SLC9C1: variants seen among roughly 807,000 people sequenced by gnomAD.
The protein encoded by SLC9C1 is sodium/hydrogen exchanger 10.
SLC9C1 carries 97 observed loss-of-function variants against 140.9 expected under a neutral mutation model. The ratio of observed to expected loss-of-function variants is 0.69; its 90% CI spans 0.58 to 0.82. The LOEUF is 0.82. SLC9C1 is among the 40% of genes least tolerant of loss of function. The probability of loss-of-function intolerance (pLI) is 0.00; values close to 1 mark genes in which losing one functional copy is unlikely to be tolerated. For synonymous variants in SLC9C1, 440 were observed against 442.6 expected, an observed-to-expected ratio of 0.99 and a Z score of 0.07; for missense variants, 1,340 against 1,389.3, an observed-to-expected ratio of 0.96 and a Z score of 0.56.
chr3:112,151,982 T>C lies in SLC9C1; in HGVS notation c.3418-19A>G. 1 of 1,559,856 alleles carries C rather than the reference T, an allele frequency of 6.4e-7. No individual in the cohort carries two copies. Among genetic ancestry groups the C allele is most frequent in the Non-Finnish European group, 8.6e-7 (1 of 1,160,622 alleles). Reference sequence around the variant, plus strand: ...CTCCATCCTGGGATTCAAAACACTTTGTTACTTGATGTCATGATAGGCCTT... The same window carrying C: ...CTCCATCCTGGGATTCAAAACACTTCGTTACTTGATGTCATGATAGGCCTT... On this transcript the variant is annotated intron_variant, in intron 27 of 28. Transcript: ENST00000305815.
rs568339522 is a variant in SLC9C1, at chr3:112,226,673, G to C, written c.1572+4688C>G. The stretch of plus-strand genomic sequence containing the variant: ...GGAGGTAGAGTTTGCAGTGAGCCAA[G>C]ATTGCACCACTGCAATCCAGCCTGG... On this transcript the variant is annotated intron_variant, in intron 13 of 28. Transcript: ENST00000305815. 3.3e-5 allele frequency among the ~76,000 whole-genome samples: 5 copies of C among 152,132 alleles called. No individual in the cohort carries two copies. The South Asian group carries it at 1.0e-3, about 32-fold the overall frequency.
chr3:112,165,389 A>G (rs549247828), intron 26 of SLC9C1, among the ~76,000 whole-genome samples: 73 of 151,912 alleles, frequency 4.8e-4, no homozygotes, highest in African/African-American at 1.6e-3. Flanking sequence ...TTTTTTCCCC[A>G]TCTTTGTGGT....
At chr3:112,224,963 A>G (rs79269355) in intron 13 of SLC9C1, among the ~76,000 whole-genome samples, 280 of 152,164 alleles carry the variant, frequency 1.8e-3, no homozygotes, top group Non-Finnish European at 3.1e-3. Flanking sequence ...GGCATAGAAA[A>G]CATATTTAAT....
chr3:112,222,469 A>C (rs1373295324), intron 13 of SLC9C1, among the ~76,000 whole-genome samples: 1 of 152,192 alleles, frequency 6.6e-6, no homozygotes. Context: ...TCAATGATCA[A>C]AATATAATAG....
intron 16 of SLC9C1, among the ~76,000 whole-genome samples, chr3:112,207,613 G>T (rs999264350): frequency 6.6e-6 from 1 of 152,112 alleles, no homozygotes; most frequent in African/African-American, 2.4e-5. Context: ...TCCTTAATGT[G>T]TCATGGTGTT....
chr3:112,273,101 G>A (rs1267267047), intron 6 of SLC9C1, among the ~76,000 whole-genome samples: 2 of 152,064 alleles, frequency 1.3e-5, no homozygotes, highest in Non-Finnish European at 2.9e-5. Flanking sequence ...CTCCTGAATG[G>A]CATGCACAAT....
At chr3:112,210,066 T>C (rs2078160157) in intron 15 of SLC9C1, among the ~76,000 whole-genome samples, 1 of 152,252 alleles carries the variant, frequency 6.6e-6, no homozygotes, top group Non-Finnish European at 1.5e-5. Context: ...TTATACTTCC[T>C]GATATCAAAA....
intron 22 of SLC9C1, among the ~76,000 whole-genome samples, chr3:112,180,093 GA>G (rs1428092423): frequency 6.6e-6 from 1 of 152,158 alleles, no homozygotes; most frequent in Non-Finnish European, 1.5e-5. Flanking sequence ...CATTGTGTCT[GA>G]ACATGAAAAT....
chr3:112,159,606 C>A (rs1008268849), intron 26 of SLC9C1, among the ~76,000 whole-genome samples: 1 of 151,930 alleles, frequency 6.6e-6, no homozygotes, highest in Non-Finnish European at 1.5e-5. Context: ...TTAACTCCAA[C>A]GTTTGTTTAT....
intron 21 of SLC9C1, 104 bp downstream of exon 21, chr3:112,182,029 C>T (rs1487673956): frequency 7.4e-6 from 7 of 948,414 alleles, no homozygotes; most frequent in Non-Finnish European, 1.0e-5. Flanking sequence ...AAATAAGGAA[C>T]ATTTAGAGAA....
intron 20 of SLC9C1, chr3:112,185,606 C>G: frequency 3.1e-6 from 5 of 1,597,186 alleles, no homozygotes; most frequent in Non-Finnish European, 4.3e-6. Context: ...GCCCGAAGCC[C>G]TCTCTCCCAA....
chr3:112,167,927 G>A (rs191717889), intron 25 of SLC9C1, among the ~76,000 whole-genome samples: 6 of 152,208 alleles, frequency 3.9e-5, no homozygotes, highest in Admixed American at 1.3e-4. Context: ...GCAGCGTAGC[G>A]GAGAATGTTT....
chr3:112,269,017 A>T (rs1473083620), intron 7 of SLC9C1, among the ~76,000 whole-genome samples: 1 of 152,252 alleles, frequency 6.6e-6, no homozygotes, highest in African/African-American at 2.4e-5. Context: ...AGATACTCTA[A>T]CATTTAGCTT....
chr3:112,215,527 C>G (rs922881942), intron 15 of SLC9C1, among the ~76,000 whole-genome samples: 1 of 152,114 alleles, frequency 6.6e-6, no homozygotes, highest in Admixed American at 6.5e-5. Flanking sequence ...GATAAAAAAT[C>G]AATGTACAAA....
chr3:112,254,331 G>A (rs1215796128), intron 10 of SLC9C1, among the ~76,000 whole-genome samples: 1 of 152,094 alleles, frequency 6.6e-6, no homozygotes, highest in Non-Finnish European at 1.5e-5. Context: ...ATTAAAGGCA[G>A]CTAGAGAGAA....
intron 12 of SLC9C1, 85 bp from the exon 13 acceptor site, chr3:112,231,571 G>GCAAT: frequency 7.4e-7 from 1 of 1,349,198 alleles, no homozygotes; most frequent in East Asian, 2.5e-5. Context: ...TTTTGTACCA[G>GCAAT]TTTGCATTGA....
intron 2 of SLC9C1, among the ~76,000 whole-genome samples, chr3:112,281,894 A>G (rs1461366289): frequency 1.3e-5 from 2 of 152,248 alleles, no homozygotes; most frequent in Admixed American, 1.3e-4. Context: ...AGAACAGTTT[A>G]TAAATGAATA....
intron 1 of SLC9C1, among the ~76,000 whole-genome samples, chr3:112,293,277 A>AATATAT: frequency 6.7e-6 from 1 of 149,220 alleles, no homozygotes; most frequent in African/African-American, 2.5e-5. Context: ...CTCTATTTCA[A>AATATAT]ATATATATAT....
chr3:112,232,555 T>C (rs1560101267), intron 12 of SLC9C1, among the ~76,000 whole-genome samples: 2 of 152,136 alleles, frequency 1.3e-5, no homozygotes, highest in South Asian at 4.1e-4. Flanking sequence ...TCAGTGGATA[T>C]GAAATGGATT....
Sources: allele counts gnomAD v4.1 joint callset (sites outside exome capture counted in the v4.1 genomes callset), GRCh38; gene constraint gnomAD v4.1.1; transcripts MANE v1.5; gene names NCBI Gene and HGNC (gene_info 2026-07-23, HGNC 2026-07-21).